The following CALCRL variants were observed in gnomAD, a reference collection of about 807,000 sequenced individuals.
CALCRL encodes calcitonin receptor like receptor, also known as calcitonin gene-related peptide type 1 receptor.
CALCRL carries 27 observed loss-of-function variants against 60.4 expected under a neutral mutation model. The observed-to-expected ratio is 0.45, with a 90% CI of 0.33 to 0.62. CALCRL has a LOEUF of 0.62. CALCRL is among the 20% of genes least tolerant of loss of function. The probability of loss-of-function intolerance (pLI) is 0.03; values close to 1 mark genes in which losing one functional copy is unlikely to be tolerated. For synonymous variants in CALCRL, 190 were observed against 182.6 expected (o/e 1.04, Z -0.33); for missense variants, 424 against 540.7 (o/e 0.78, Z 2.14).
chr2:187,387,871 C>A, intron 1 of CALCRL, 115 bp from the exon 2 acceptor site: 1 of 365,534 alleles, frequency 2.7e-6, no homozygotes, highest in African/African-American at 2.1e-5. Flanking sequence ...TTTTATTGAA[C>A]AATTCCAACT....
In CALCRL at chr2:187,359,258, G is replaced by A; in HGVS notation, c.796C>T (p.Pro266Ser). Residue 266 changes from proline to serine, a missense_variant, in exon 11 of 15, where the codon CCT (proline) becomes TCT (serine). Physicochemically the swap from Pro to Ser is moderately conservative, Grantham distance 74 (BLOSUM62 -1). Coordinates refer to ENST00000392370, the MANE Select transcript of CALCRL (RefSeq NM_005795.6). ...YFLGWGFPLI[P>S]ACIHAIARSL... ...CTAGCAATGGCATGTATACAAGCAGGAATCAGTGGAAATCCTGTAATAACA... is the reference window on the plus strand; with the variant it reads ...CTAGCAATGGCATGTATACAAGCAGAAATCAGTGGAAATCCTGTAATAACA... 6.4e-7 allele frequency: 1 copy of A among 1,554,586 alleles called. No individual in the cohort carries two copies. Among genetic ancestry groups the A allele is most frequent in the South Asian group, 1.2e-5 (1 of 80,638 alleles).
chr2:187,430,566 A>G (rs1361269335), intron 1 of CALCRL, among the ~76,000 whole-genome samples: 1 of 152,208 alleles, frequency 6.6e-6, no homozygotes, highest in Non-Finnish European at 1.5e-5. Context: ...ATAAATAACA[A>G]GACAAACACA....
intron 1 of CALCRL, among the ~76,000 whole-genome samples, chr2:187,425,837 T>A (rs967050881): frequency 1.3e-5 from 2 of 151,944 alleles, no homozygotes; most frequent in African/African-American, 4.8e-5. Context: ...TTTTGGCACA[T>A]TTTAAATGTT....
intron 8 of CALCRL, among the ~76,000 whole-genome samples, chr2:187,377,746 G>T (rs978991801): frequency 2.0e-5 from 3 of 152,112 alleles, no homozygotes; most frequent in South Asian, 2.1e-4. Context: ...AACAACTTTT[G>T]TACACCTACT....
intron 4 of CALCRL, among the ~76,000 whole-genome samples, chr2:187,385,186 A>G (rs1267019209): frequency 1.3e-5 from 2 of 152,228 alleles, no homozygotes; most frequent in African/African-American, 2.4e-5. Context: ...CAATGAGAGA[A>G]TCATTTTTTA....
chr2:187,416,701 AC>A (rs953230372), intron 1 of CALCRL, among the ~76,000 whole-genome samples: 1 of 152,204 alleles, frequency 6.6e-6, no homozygotes, highest in Admixed American at 6.5e-5. Flanking sequence ...ATGCTATTAT[AC>A]TCTGAACTAA....
intron 1 of CALCRL, among the ~76,000 whole-genome samples, chr2:187,389,603 TC>T (rs1688348873): frequency 1.3e-5 from 2 of 152,176 alleles, no homozygotes; most frequent in Non-Finnish European, 2.9e-5. Context: ...AACTTTTTTT[TC>T]AGATATATTT....
At chr2:187,428,117 T>C (rs1375275894) in intron 1 of CALCRL, among the ~76,000 whole-genome samples, 3 of 152,168 alleles carry the variant, frequency 2.0e-5, no homozygotes, top group East Asian at 3.9e-4. Flanking sequence ...AGCATATTCA[T>C]GAGGGATTCC....
chr2:187,376,642 C>A (rs76341724), intron 8 of CALCRL, among the ~76,000 whole-genome samples: 2,890 of 152,188 alleles, frequency 0.019, 89 homozygotes, highest in African/African-American at 0.065. Context: ...CATGAAGGAA[C>A]ATAAATAATT....
chr2:187,440,962 AT>A, intron 1 of CALCRL, among the ~76,000 whole-genome samples: 1 of 152,062 alleles, frequency 6.6e-6, no homozygotes, highest in Non-Finnish European at 1.5e-5. Flanking sequence ...AGACCTTAAT[AT>A]TTGCTCATAT....
chr2:187,387,361 C>T lies in CALCRL; in HGVS notation c.-69G>A, dbSNP rs1469766166. 6.1e-6 allele frequency: 1 copy of T among 163,012 alleles called. No homozygotes were observed. The highest frequency in any genetic ancestry group is 1.3e-5 in the Non-Finnish European group (1 of 75,518). 10.1% of individuals were successfully genotyped at this position (163,012 alleles called of 1,614,324 possible). A position where few individuals can be genotyped will look rare whatever the true frequency, so the allele number is the denominator to read the frequency against. ...TTGTAGCAATCTTGTTTTATAGCAA[C>T]CTTGTCAAGTTGTGGTTGACAAATT... On this transcript the variant is annotated 5_prime_UTR_variant, in exon 3 of 15. Transcript: ENST00000392370.
chr2:187,422,945 C>A (rs1689947973), intron 1 of CALCRL, among the ~76,000 whole-genome samples: 1 of 151,852 alleles, frequency 6.6e-6, no homozygotes, highest in Admixed American at 6.6e-5. Context: ...AGATAGTCTA[C>A]TAGAAGATAT....
intron 14 of CALCRL, among the ~76,000 whole-genome samples, chr2:187,350,060 T>A (rs1686457775): frequency 6.6e-6 from 1 of 151,630 alleles, no homozygotes; most frequent in Non-Finnish European, 1.5e-5. Flanking sequence ...TTTGCCAGCA[T>A]TTGCCAAAAT....
At chr2:187,352,066 A>G in intron 13 of CALCRL, 48 bp downstream of exon 13, 3 of 1,568,802 alleles carry the variant, frequency 1.9e-6, no homozygotes, top group Non-Finnish European at 2.6e-6. Flanking sequence ...CTATATGTAT[A>G]TTTAATTCCA....
chr2:187,365,145 G>A lies in CALCRL; in HGVS notation c.501-1643C>T, dbSNP rs1484699284. ...ATTCAACACTAAGAGAAAGACAATC[G>A]TATTTTTGATAAAATGCCACAGCAG... On this transcript the variant is annotated intron_variant, in intron 8 of 14. Transcript: ENST00000392370. Among the ~76,000 whole-genome samples, 4 of 152,124 alleles carry A rather than the reference G, an allele frequency of 2.6e-5. No individual in the cohort carries two copies. The East Asian group carries it at 5.8e-4, about 22-fold the overall frequency.
chr2:187,422,255 T>G (rs1417423822), intron 1 of CALCRL, among the ~76,000 whole-genome samples: 2 of 152,206 alleles, frequency 1.3e-5, no homozygotes, highest in Admixed American at 1.3e-4. Flanking sequence ...TTTTAAAAAT[T>G]ACATTTAATG....
intron 14 of CALCRL, 34 bp downstream of exon 14, chr2:187,351,886 A>G: frequency 7.6e-7 from 1 of 1,314,980 alleles, no homozygotes; most frequent in African/African-American, 1.5e-5. Flanking sequence ...TAGCAAATAT[A>G]AAATAATAGA....
At chr2:187,370,243 T>G (rs762218430) in intron 8 of CALCRL, among the ~76,000 whole-genome samples, 1 of 152,184 alleles carries the variant, frequency 6.6e-6, no homozygotes, top group Non-Finnish European at 1.5e-5. Flanking sequence ...GCTACAGTTT[T>G]GAGAGTGTGC....
chr2:187,435,161 T>A (rs1690576392), intron 1 of CALCRL, among the ~76,000 whole-genome samples: 1 of 152,164 alleles, frequency 6.6e-6, no homozygotes, highest in Non-Finnish European at 1.5e-5. Context: ...GAAAATAGGT[T>A]GAATTGGCTC....
Sources: gnomAD v4.1 joint callset for allele counts (sites outside exome capture counted in the v4.1 genomes callset) on GRCh38, gnomAD v4.1.1 for gene constraint, MANE v1.5 for transcripts, NCBI Gene and HGNC (gene_info 2026-07-23, HGNC 2026-07-21) for gene names.